The following GALNT17 variants were observed in gnomAD, a reference collection of about 807,000 sequenced individuals.
GALNT17 encodes the protein UDP-GalNAc:polypeptide N-acetylgalactosaminyltransferase-like 3.
Under a neutral mutation model 63.7 loss-of-function variants are expected in GALNT17, and 29 were observed. That is an observed-to-expected ratio of 0.46 (90% CI 0.34 to 0.62). GALNT17 has a LOEUF of 0.62. Among genes scored for constraint, GALNT17 ranks in the 20% least tolerant of loss-of-function variants. The pLI is 0.01. For missense variants in GALNT17, 603 were observed against 799.6 expected (o/e 0.75, Z 2.97); for synonymous variants, 305 against 318.3 (o/e 0.96, Z 0.45).
At chr7:71,511,692 A>G (rs1357161488) in intron 5 of GALNT17, among the ~76,000 whole-genome samples, 1 of 152,124 alleles carries the variant, frequency 6.6e-6, no homozygotes, top group African/African-American at 2.4e-5. Flanking sequence ...CTACTGGAAA[A>G]CCATCATCAT....
intron 1 of GALNT17, among the ~76,000 whole-genome samples, chr7:71,138,036 A>G (rs1175732664): frequency 1.3e-5 from 2 of 152,216 alleles, no homozygotes; most frequent in African/African-American, 4.8e-5. Flanking sequence ...AAGCTAAAGA[A>G]AAGGAAATGT....
At chr7:71,579,594 A>C (rs986050339) in intron 6 of GALNT17, among the ~76,000 whole-genome samples, 7 of 152,324 alleles carry the variant, frequency 4.6e-5, no homozygotes, top group African/African-American at 1.7e-4. Flanking sequence ...AGATAAGCAA[A>C]GAAGGAGGTG....
At chr7:71,425,995 A>G (rs998348369) in intron 5 of GALNT17, among the ~76,000 whole-genome samples, 1 of 152,064 alleles carries the variant, frequency 6.6e-6, no homozygotes, top group Non-Finnish European at 1.5e-5. Context: ...AGAGAAGGAG[A>G]AGGTGCCACA....
In GALNT17 at chr7:71,518,323, A is replaced by G. The variant is rs561494917; in HGVS notation, c.963-52962A>G. Among the ~76,000 whole-genome samples, 15 of 152,324 alleles carry G rather than the reference A, an allele frequency of 9.8e-5. No homozygotes were observed. The East Asian group carries it at 1.7e-3, about 18-fold the overall frequency. The stretch of plus-strand genomic sequence containing the variant: ...GTTTCCCTTGGTTTCTAAAGAAAAC[A>G]ATTATCTTCATATCATCATTTCTAC... On this transcript the variant is annotated intron_variant, in intron 5 of 10. Coordinates refer to ENST00000333538, the MANE Select transcript of GALNT17 (RefSeq NM_022479.3).
At chr7:71,469,427 A>G (rs1787592127) in intron 5 of GALNT17, among the ~76,000 whole-genome samples, 1 of 152,206 alleles carries the variant, frequency 6.6e-6, no homozygotes, top group South Asian at 2.1e-4. Context: ...GCAAAGAACG[A>G]TTTACAAACC....
chr7:71,601,178 T>C lies in GALNT17; in HGVS notation c.1080+29776T>C, dbSNP rs142938593. 5.0e-3 allele frequency among the ~76,000 whole-genome samples: 758 copies of C among 152,132 alleles called. 15 individuals carry two copies. Among genetic ancestry groups the C allele is most frequent in the African/African-American group, 0.018 (728 of 41,498 alleles). On this transcript the variant is annotated intron_variant, in intron 6 of 10. Coordinates refer to ENST00000333538, the MANE Select transcript of GALNT17 (RefSeq NM_022479.3). Reference sequence around the variant, plus strand: ...TATCTACCACAGTTTCTTTATCCACTCGTTGATTGATGAGCATTTGATTGG... The same window carrying C: ...TATCTACCACAGTTTCTTTATCCACCCGTTGATTGATGAGCATTTGATTGG...
intron 1 of GALNT17, among the ~76,000 whole-genome samples, chr7:71,234,271 T>A: frequency 6.6e-6 from 1 of 152,132 alleles, no homozygotes; most frequent in East Asian, 1.9e-4. Context: ...TAAGTTTATT[T>A]ATTTATTTGA....
At chr7:71,329,927 G>T (rs559776337) in intron 1 of GALNT17, among the ~76,000 whole-genome samples, 2 of 139,118 alleles carry the variant, frequency 1.4e-5, no homozygotes, top group Admixed American at 1.4e-4. Flanking sequence ...ATGTGTGTGT[G>T]TGTGTATATA....
At chr7:71,207,303 G>A (rs1212002221) in intron 1 of GALNT17, among the ~76,000 whole-genome samples, 2 of 152,110 alleles carry the variant, frequency 1.3e-5, no homozygotes, top group South Asian at 2.1e-4. Flanking sequence ...TTTAAACCAT[G>A]TCCCTTCGTT....
intron 5 of GALNT17, among the ~76,000 whole-genome samples, chr7:71,530,348 G>T (rs771371647): frequency 4.6e-5 from 7 of 151,606 alleles, no homozygotes; most frequent in Non-Finnish European, 1.0e-4. Context: ...ACACACACAC[G>T]CACACACACA....
At chr7:71,394,572 A>G (rs539096330) in intron 3 of GALNT17, among the ~76,000 whole-genome samples, 1 of 152,250 alleles carries the variant, frequency 6.6e-6, no homozygotes, top group South Asian at 2.1e-4. Context: ...TCAAACCTGT[A>G]AGGCCTCTGT....
Position 71,292,268 on chromosome 7 carries a change from GA to G in GALNT17, c.239-43277del, listed in dbSNP as rs149950742. Among the ~76,000 whole-genome samples the G allele has an allele frequency of 4.4e-3, 669 of 152,264 alleles. 3 individuals carry two copies. The highest frequency in any genetic ancestry group is 0.016 in the African/African-American group (645 of 41,540). On this transcript the variant is annotated intron_variant, in intron 1 of 10. Transcript: ENST00000333538. Reference sequence around the variant, plus strand: ...TTGCACCACAGGTAGGCAAGTGACAGAAAAACAAGAATACATAGGTTTTGCT... The same window carrying G: ...TTGCACCACAGGTAGGCAAGTGACAGAAAACAAGAATACATAGGTTTTGCT...
chr7:71,569,411 T>G (rs1468729840), intron 5 of GALNT17, among the ~76,000 whole-genome samples: 3 of 152,184 alleles, frequency 2.0e-5, no homozygotes, highest in Non-Finnish European at 4.4e-5. Flanking sequence ...AGGTAGTTTT[T>G]CAACTCTCCC....
intron 5 of GALNT17, among the ~76,000 whole-genome samples, chr7:71,422,210 C>G (rs892506556): frequency 4.6e-5 from 7 of 152,024 alleles, no homozygotes; most frequent in African/African-American, 1.7e-4. Context: ...CTTGCCTTTT[C>G]CAGCTTCCAG....
chr7:71,349,076 G>A (rs1243279123), intron 2 of GALNT17, among the ~76,000 whole-genome samples: 1 of 152,170 alleles, frequency 6.6e-6, no homozygotes, highest in East Asian at 1.9e-4. Flanking sequence ...CTTGCAGTAC[G>A]GGAAACATTT....
At chr7:71,307,550 AAG>A (rs1791328747) in intron 1 of GALNT17, 1 of 151,894 alleles carries the variant, frequency 6.6e-6, no homozygotes, top group Non-Finnish European at 1.5e-5. Context: ...GACAGGTCTT[AAG>A]AGAGCAGAGA....
intron 9 of GALNT17, among the ~76,000 whole-genome samples, chr7:71,701,846 TATATATATAC>T (rs1791646779): frequency 3.1e-5 from 1 of 32,488 alleles, no homozygotes; most frequent in African/African-American, 7.0e-5. Context: ...TATATGTGTA[TATATATATAC>T]ACATATATAT....
At chr7:71,277,018 A>AT (rs1790694760) in intron 1 of GALNT17, among the ~76,000 whole-genome samples, 5 of 152,180 alleles carry the variant, frequency 3.3e-5, no homozygotes, top group Admixed American at 1.3e-4. Flanking sequence ...AAATAAATAA[A>AT]GAAATAAATT....
chr7:71,597,428 A>C (rs998301918), intron 6 of GALNT17, among the ~76,000 whole-genome samples: 4 of 152,100 alleles, frequency 2.6e-5, no homozygotes, highest in Admixed American at 2.6e-4. Flanking sequence ...GGATCACTTG[A>C]GCCCAGAAGT....
Sources: gnomAD v4.1 joint callset for allele counts (sites outside exome capture counted in the v4.1 genomes callset) on GRCh38, gnomAD v4.1.1 for gene constraint, MANE v1.5 for transcripts, NCBI Gene and HGNC (gene_info 2026-07-23, HGNC 2026-07-21) for gene names.